The following RECK variants were observed in gnomAD, a reference collection of about 807,000 sequenced individuals.
The protein encoded by RECK is reversion-inducing cysteine-rich protein with Kazal motifs.
In RECK, 69 loss-of-function variants were observed where a neutral mutation model predicts 115.1. That is an observed-to-expected ratio of 0.60 (90% CI 0.49 to 0.73). The LOEUF is 0.73. Among genes scored for constraint, RECK ranks in the 30% least tolerant of loss-of-function variants. The pLI, the probability that RECK is intolerant of heterozygous loss-of-function variation, is 0.00. For missense variants in RECK, 1,047 were observed against 1,203.7 expected (o/e 0.87, Z 1.93); for synonymous variants, 414 against 419.7 (o/e 0.99, Z 0.17).
At chr9:36,067,306 T>C (rs887527721) in intron 6 of RECK, among the ~76,000 whole-genome samples, 6 of 152,160 alleles carry the variant, frequency 3.9e-5, no homozygotes, top group African/African-American at 1.4e-4. Flanking sequence ...AATACTGGAA[T>C]GATCCCTGGG....
intron 1 of RECK, among the ~76,000 whole-genome samples, chr9:36,046,818 T>C (rs1218528699): frequency 1.3e-5 from 2 of 152,200 alleles, no homozygotes; most frequent in South Asian, 2.1e-4. Context: ...AAAAAAAGAA[T>C]TATTTTAAAA....
intron 6 of RECK, among the ~76,000 whole-genome samples, chr9:36,068,456 T>C (rs1822098822): frequency 6.6e-6 from 1 of 152,222 alleles, no homozygotes; most frequent in South Asian, 2.1e-4. Flanking sequence ...TAGGGCAGGC[T>C]TGCTACCTGG....
chr9:36,085,638 G>A (rs1011254920), intron 8 of RECK: 6 of 151,898 alleles, frequency 4.0e-5, no homozygotes, highest in Admixed American at 3.3e-4. Context: ...GATCGCTTGA[G>A]CCCAAGAGTT....
intron 12 of RECK, among the ~76,000 whole-genome samples, chr9:36,103,919 T>C (rs1823657816): frequency 6.6e-6 from 1 of 152,158 alleles, no homozygotes; most frequent in Non-Finnish European, 1.5e-5. Flanking sequence ...TAAGCAACAC[T>C]TATTGTATTT....
chr9:36,063,911 C>A, intron 5 of RECK, 31 bp downstream of exon 5: 2 of 1,599,326 alleles, frequency 1.3e-6, no homozygotes, highest in South Asian at 1.1e-5. Flanking sequence ...TCTCAAACAT[C>A]ATGGAGTGCA....
intron 2 of RECK, among the ~76,000 whole-genome samples, chr9:36,058,538 A>G (rs1374187872): frequency 1.4e-5 from 2 of 142,898 alleles, no homozygotes; most frequent in African/African-American, 2.6e-5. Flanking sequence ...GCACTGGGAG[A>G]TATACCTAAT....
Position 36,121,819 on chromosome 9 carries a change from G to A in RECK, c.2694+131G>A, listed in dbSNP as rs149707598. On this transcript the variant is annotated intron_variant, in intron 20 of 20. Transcript: ENST00000377966. ...AGTGGAGGCATTTGGGAAGTTCAGC[G>A]GGACAGGAGGGAGAAAAGCAAGGCA... 9.1e-4 allele frequency: 832 copies of A among 913,570 alleles called. 10 individuals carry two copies. The South Asian group carries it at 0.01, about 11-fold the overall frequency. The allele number at this position is 913,570 out of a possible 1,614,324, so 56.6% of individuals were successfully genotyped here.
chr9:36,102,438 C>T (rs749154345), intron 12 of RECK, among the ~76,000 whole-genome samples: 2 of 152,164 alleles, frequency 1.3e-5, no homozygotes, highest in African/African-American at 2.4e-5. Context: ...GTGATTCTAT[C>T]AGTCTGAGGA....
Position 36,113,495 on chromosome 9 carries a change from A to C in RECK, c.2060+1019A>C, listed in dbSNP as rs528042734. ...TAATACAGGTTGTGTTGGGAGGTAGAATTGAGGATTGTCTTAATATTTTTT... is the reference window on the plus strand; with the variant it reads ...TAATACAGGTTGTGTTGGGAGGTAGCATTGAGGATTGTCTTAATATTTTTT... On this transcript the variant is annotated intron_variant, in intron 16 of 20. Transcript: ENST00000377966. Among the ~76,000 whole-genome samples, 67 of 152,366 alleles carry C rather than the reference A, an allele frequency of 4.4e-4. 2 individuals carry two copies. In the South Asian group the frequency reaches 0.013, roughly 30 times the overall value.
intron 1 of RECK, among the ~76,000 whole-genome samples, chr9:36,044,771 A>G (rs1821008361): frequency 6.6e-6 from 1 of 152,200 alleles, no homozygotes; most frequent in South Asian, 2.1e-4. Flanking sequence ...AGTCAGCAGG[A>G]AGTGGGCATC....
chr9:36,080,081 T>C (rs1216998919), intron 6 of RECK, among the ~76,000 whole-genome samples: 2 of 152,200 alleles, frequency 1.3e-5, no homozygotes, highest in African/African-American at 4.8e-5. Context: ...TCAAGTCTTG[T>C]TTAAAATTTA....
intron 6 of RECK, among the ~76,000 whole-genome samples, chr9:36,068,433 C>A (rs1218230057): frequency 6.6e-6 from 1 of 152,208 alleles, no homozygotes; most frequent in Non-Finnish European, 1.5e-5. Flanking sequence ...GTTAAAACTT[C>A]TCTTTCTGGC....
At chr9:36,106,242 T>C (rs1490932524) in intron 13 of RECK, among the ~76,000 whole-genome samples, 12 of 150,694 alleles carry the variant, frequency 8.0e-5, no homozygotes, top group Non-Finnish European at 1.2e-4. Context: ...AAAAAAACGT[T>C]TTTTTTTTTG....
Position 36,117,132 on chromosome 9 carries a change from T to G in RECK, c.2208T>G (p.Thr736=), listed in dbSNP as rs1824298653. 2.5e-6 allele frequency: 4 copies of G among 1,613,430 alleles called. No homozygotes were observed. Among genetic ancestry groups the G allele is most frequent in the Non-Finnish European group, 3.4e-6 (4 of 1,179,642 alleles). The change falls in exon 17 of 21, where the codon ACT becomes ACG. Residue 736 remains threonine (T), a synonymous_variant. Transcript: ENST00000377966. ...TDHMEHNNLC[T]LYQRGKSLSY... Reference sequence around the variant, plus strand: ...ACATGGAGCACAACAATCTCTGCACTTTATACCAAAGAGGAAAAAGCCTCT... The same window carrying G: ...ACATGGAGCACAACAATCTCTGCACGTTATACCAAAGAGGAAAAAGCCTCT...
chr9:36,077,109 G>C (rs907843023), intron 6 of RECK, among the ~76,000 whole-genome samples: 5 of 152,108 alleles, frequency 3.3e-5, no homozygotes, highest in South Asian at 2.1e-4. Context: ...CACCCCTATA[G>C]TTTTGACCTA....
Position 36,108,165 on chromosome 9 carries a change from G to A in RECK, c.1765+1G>A. 6.3e-7 allele frequency: 1 copy of A among 1,581,500 alleles called. No homozygotes were observed. Among genetic ancestry groups the A allele is most frequent in the Non-Finnish European group, 8.6e-7 (1 of 1,168,824 alleles). The stretch of plus-strand genomic sequence containing the variant: ...TGTATTGTTGGAGGAAAAAGAAAAA[G>A]TGAGTCTTAAGCTCTGATTTTGTTT... On this transcript the variant is annotated splice_donor_variant, in intron 14 of 20. Transcript: ENST00000377966. LOFTEE classifies it high-confidence loss of function.
At chr9:36,057,263 G>C (rs1821566040) in intron 2 of RECK, among the ~76,000 whole-genome samples, 1 of 152,050 alleles carries the variant, frequency 6.6e-6, no homozygotes, top group Non-Finnish European at 1.5e-5. Context: ...TTTGATGACA[G>C]TCTATTTTTC....
At chr9:36,087,317 A>G (rs1366102203) in intron 8 of RECK, among the ~76,000 whole-genome samples, 1 of 152,242 alleles carries the variant, frequency 6.6e-6, no homozygotes, top group African/African-American at 2.4e-5. Flanking sequence ...AGCCATAAAA[A>G]AGGATGAGTT....
intron 3 of RECK, among the ~76,000 whole-genome samples, chr9:36,059,450 C>T (rs1467155944): frequency 2.5e-4 from 28 of 109,866 alleles, no homozygotes; most frequent in South Asian, 1.1e-3. Context: ...AGTAAGACTC[C>T]GTCTCAAAAA....
Sources: gnomAD v4.1 joint callset for allele counts (sites outside exome capture counted in the v4.1 genomes callset) on GRCh38, gnomAD v4.1.1 for gene constraint, MANE v1.5 for transcripts, NCBI Gene and HGNC (gene_info 2026-07-23, HGNC 2026-07-21) for gene names.